KIAA0753: variants seen among roughly 807,000 people sequenced by gnomAD.
KIAA0753 encodes KIAA0753, also known as protein moonraker.
A neutral mutation model predicts 116.9 loss-of-function variants in KIAA0753; 114 were observed. The ratio of observed to expected loss-of-function variants is 0.98; its 90% CI spans 0.84 to 1.14. KIAA0753 has a LOEUF of 1.14. KIAA0753 is among the 50% of genes most tolerant of loss of function. KIAA0753 has a pLI of 0.00. For synonymous variants in KIAA0753, 405 were observed against 413.1 expected (o/e 0.98, Z 0.24); for missense variants, 1,156 against 1,172.4 (o/e 0.99, Z 0.20).
intron 14 of KIAA0753, among the ~76,000 whole-genome samples, chr17:6,598,194 C>G (rs1427801454): frequency 6.6e-6 from 1 of 152,094 alleles, no homozygotes; most frequent in African/African-American, 2.4e-5. Flanking sequence ...AGTGGCCTCT[C>G]TGGGTTAAAT....
At chr17:6,610,516 C>CTTTTTTTTTTTT (rs71157206) in intron 8 of KIAA0753, among the ~76,000 whole-genome samples, 1 of 113,458 alleles carries the variant, frequency 8.8e-6, no homozygotes, top group East Asian at 2.5e-4. Flanking sequence ...TTTTCTTTCT[C>CTTTTTTTTTTTT]TTTTTTTTTT....
At chr17:6,590,810 T>C (rs948676205) in intron 16 of KIAA0753, among the ~76,000 whole-genome samples, 180 bp from the exon 17 acceptor site, 3 of 152,142 alleles carry the variant, frequency 2.0e-5, no homozygotes, top group Admixed American at 2.0e-4. Context: ...ATTTATATGT[T>C]ACAAAGAAAC....
chr17:6,585,757 T>G (rs1968530128), intron 18 of KIAA0753, among the ~76,000 whole-genome samples: 1 of 152,224 alleles, frequency 6.6e-6, no homozygotes, highest in South Asian at 2.1e-4. Context: ...TCTGAGAATA[T>G]TAATTCTAGT....
chr17:6,600,535 G>T, intron 12 of KIAA0753, 77 bp from the exon 13 acceptor site: 2 of 1,105,516 alleles, frequency 1.8e-6, no homozygotes, highest in Non-Finnish European at 1.4e-6. Flanking sequence ...TGCCACTCCA[G>T]GAGAAGGGAA....
At chr17:6,610,361 G>T (rs1970453544) in intron 8 of KIAA0753, among the ~76,000 whole-genome samples, 1 of 150,398 alleles carries the variant, frequency 6.6e-6, no homozygotes, top group African/African-American at 2.5e-5. Context: ...GGGGGTGGAG[G>T]GTGTAGAATT....
chr17:6,590,673 T>C lies in KIAA0753; in HGVS notation c.2441-43A>G, dbSNP rs201796890. 2.7e-4 allele frequency: 438 copies of C among 1,608,800 alleles called. 3 individuals are homozygous for C. The highest frequency in any genetic ancestry group is 6.8e-4 in the Admixed American group (41 of 59,858). ...TAAAATGACTGCATATAAAGAACAG[T>C]TGGTGTCCATTTTAGAGCTGTTCTA... On this transcript the variant is annotated intron_variant, in intron 16 of 18. Coordinates refer to ENST00000361413, the MANE Select transcript of KIAA0753 (RefSeq NM_014804.3).
At chr17:6,589,670 G>A (rs1035405329) in intron 18 of KIAA0753, 109 bp downstream of exon 18, 3 of 728,842 alleles carry the variant, frequency 4.1e-6, no homozygotes, top group African/African-American at 1.8e-5. Flanking sequence ...AAACTCCAGG[G>A]CCCAAAAGCA....
At chr17:6,593,302 G>A (rs142322547) in intron 16 of KIAA0753, among the ~76,000 whole-genome samples, 3,028 of 152,020 alleles carry the variant, frequency 0.02, 92 homozygotes, top group African/African-American at 0.068. Context: ...TCGGGAGGCC[G>A]GGAGCAGTGG....
At chr17:6,596,061 G>A (rs1275306028) in intron 15 of KIAA0753, 97 bp downstream of exon 15, 1 of 1,201,672 alleles carries the variant, frequency 8.3e-7, no homozygotes, top group Non-Finnish European at 1.2e-6. Context: ...GGGACTGTGT[G>A]ACTCTAACAG....
chr17:6,593,054 A>T (rs984900995), intron 16 of KIAA0753, among the ~76,000 whole-genome samples: 3 of 152,214 alleles, frequency 2.0e-5, no homozygotes, highest in Non-Finnish European at 4.4e-5. Context: ...AAATTTAAGT[A>T]TGTAAATTAT....
intron 9 of KIAA0753, among the ~76,000 whole-genome samples, chr17:6,609,056 T>G (rs1265881973): frequency 6.6e-6 from 1 of 152,242 alleles, no homozygotes; most frequent in Non-Finnish European, 1.5e-5. Context: ...GGTCTGGCTG[T>G]TACATGAATA....
chr17:6,583,771 A>G (rs1348915727), intron 18 of KIAA0753, among the ~76,000 whole-genome samples: 1 of 152,216 alleles, frequency 6.6e-6, no homozygotes, highest in East Asian at 1.9e-4. Flanking sequence ...CACTAGGCAC[A>G]GTTATTTTAA....
At chr17:6,607,395 A>G (rs1970264070) in intron 10 of KIAA0753, 125 bp from the exon 11 acceptor site, 2 of 704,624 alleles carry the variant, frequency 2.8e-6, no homozygotes, top group Non-Finnish European at 5.0e-6. Flanking sequence ...CTATTAAGCT[A>G]CTCAGTAGGT....
Position 6,628,240 on chromosome 17 carries a change from GA to G in KIAA0753, c.594del (p.Gln199SerfsTer6). ...TGGTCACCTATCCTGGGATGAGGCT[GA>G]AGTCCCGGATCATGGGTGGGTGGCG... ...PNSPPTHDPG[L>X]QPHPRIGDHK... On this transcript the variant is annotated frameshift_variant, in exon 3 of 19. Coordinates refer to ENST00000361413, the MANE Select transcript of KIAA0753 (RefSeq NM_014804.3). LOFTEE classifies it high-confidence loss of function. 1 of 1,614,196 alleles carries G rather than the reference GA, an allele frequency of 6.2e-7. No individual in the cohort carries two copies. Among genetic ancestry groups the G allele is most frequent in the Non-Finnish European group, 8.5e-7 (1 of 1,180,040 alleles).
rs546362271 is a variant in KIAA0753, at chr17:6,592,413, C to T, written c.2441-1783G>A. ...ACATTCCTTAGAGGTAATGTTTAAC[C>T]ACACTTTACTCTCCTTTTCTTGAGT... On this transcript the variant is annotated intron_variant, in intron 16 of 18. Transcript: ENST00000361413. Among the ~76,000 whole-genome samples, 8 of 152,270 alleles carry T rather than the reference C, an allele frequency of 5.3e-5. No individual in the cohort carries two copies. In the East Asian group the frequency reaches 1.5e-3, roughly 29 times the overall value.
At chr17:6,624,893 G>T in intron 3 of KIAA0753, 32 bp from the exon 4 acceptor site, 3 of 1,376,606 alleles carry the variant, frequency 2.2e-6, no homozygotes, top group Non-Finnish European at 3.0e-6. Flanking sequence ...CCCAAAAGTG[G>T]ATTATAAACC....
intron 13 of KIAA0753, 43 bp downstream of exon 13, chr17:6,600,337 G>C (rs1425419086): frequency 1.4e-6 from 2 of 1,459,984 alleles, no homozygotes; most frequent in Non-Finnish European, 1.9e-6. Flanking sequence ...TTAAATCCAG[G>C]ACTTCCAAAA....
chr17:6,589,806 G>T lies in KIAA0753; in HGVS notation c.2759C>A (p.Ser920Tyr). The T allele has an allele frequency of 8.1e-6, 13 of 1,611,218 alleles. No homozygotes were observed. The highest frequency in any genetic ancestry group is 1.0e-5 in the Non-Finnish European group (12 of 1,179,166). ...LRIISHEAVG[S>Y]FNPWLIAESF... ...TTCAGCTATCAGCCACGGGTTGAAG[G>T]AGCCTACAGCCTCATGAGATATGAT... The change falls in exon 18 of 19, where the codon TCC (serine) becomes TAC (tyrosine). Residue 920 changes from serine to tyrosine, a missense_variant. Physicochemically the swap from Ser to Tyr is moderately radical, Grantham distance 144. Transcript: ENST00000361413.
intron 13 of KIAA0753, among the ~76,000 whole-genome samples, 175 bp from the exon 14 acceptor site, chr17:6,599,495 G>C (rs554324114): frequency 6.6e-6 from 1 of 152,354 alleles, no homozygotes; most frequent in South Asian, 2.1e-4. Flanking sequence ...GCCATGTGTT[G>C]ATCTTGGCTT....
Sources: allele counts gnomAD v4.1 joint callset (sites outside exome capture counted in the v4.1 genomes callset), GRCh38; gene constraint gnomAD v4.1.1; transcripts MANE v1.5; gene names NCBI Gene and HGNC (gene_info 2026-07-23, HGNC 2026-07-21).